The following ABCC1 variants were observed in gnomAD, a reference collection of about 807,000 sequenced individuals.
ABCC1 encodes the protein multidrug resistance-associated protein 1.
A neutral mutation model predicts 172.9 loss-of-function variants in ABCC1; 83 were observed. The observed-to-expected ratio is 0.48, with a 90% CI of 0.40 to 0.58. ABCC1 has a LOEUF of 0.58. ABCC1 is among the 20% of genes least tolerant of loss of function. The probability of loss-of-function intolerance (pLI) is 0.00; values close to 1 mark genes in which losing one functional copy is unlikely to be tolerated. For missense variants in ABCC1, 1,817 were observed against 2,002.7 expected, an observed-to-expected ratio of 0.91 and a Z score of 1.77; for synonymous variants, 937 against 825.2, an observed-to-expected ratio of 1.14 and a Z score of -2.32.
At chr16:16,123,810 G>C (rs1260245976) in intron 24 of ABCC1, among the ~76,000 whole-genome samples, 1 of 151,838 alleles carries the variant, frequency 6.6e-6, no homozygotes, top group African/African-American at 2.4e-5. Flanking sequence ...CCAGCAGTTC[G>C]AGACCAGCCT....
At chr16:16,086,302 A>G (rs1213530985) in intron 17 of ABCC1, among the ~76,000 whole-genome samples, 3 of 152,140 alleles carry the variant, frequency 2.0e-5, no homozygotes, top group African/African-American at 7.2e-5. Context: ...CTGTGATCCC[A>G]TCCTTGGTGG....
At chr16:16,066,098 C>T (rs2050104587) in intron 12 of ABCC1, among the ~76,000 whole-genome samples, 3 of 152,210 alleles carry the variant, frequency 2.0e-5, no homozygotes, top group South Asian at 2.1e-4. Context: ...TCCAGGCAAC[C>T]AGTAATCTGC....
intron 5 of ABCC1, among the ~76,000 whole-genome samples, chr16:16,019,187 C>T (rs1320615225): frequency 1.3e-5 from 2 of 151,892 alleles, no homozygotes; most frequent in Non-Finnish European, 2.9e-5. Flanking sequence ...CCACTGCAAC[C>T]CCGCCTCCTG....
At position 16,052,712 on chromosome 16, in the gene ABCC1, T is replaced by C; in HGVS notation, c.1381-12T>C. 1.9e-6 allele frequency: 3 copies of C among 1,613,824 alleles called. No homozygotes were observed. Among genetic ancestry groups the C allele is most frequent in the Non-Finnish European group, 2.5e-6 (3 of 1,179,740 alleles). On this transcript the variant is annotated splice_polypyrimidine_tract_variant and intron_variant, in intron 10 of 30. Transcript: ENST00000399410. ...TCTGGTGAGTGATGAAGAGTCTCCT[T>C]TCCTTCCTTAGAATCTGGGCCCTTC...
intron 1 of ABCC1, among the ~76,000 whole-genome samples, chr16:16,003,724 A>C (rs1405704505): frequency 1.0e-5 from 1 of 99,876 alleles, no homozygotes; most frequent in African/African-American, 3.7e-5. Flanking sequence ...TGGATGGGTG[A>C]ATTGGTGGAT....
intron 12 of ABCC1, among the ~76,000 whole-genome samples, chr16:16,065,505 T>C (rs143556111): frequency 0.015 from 2,347 of 152,258 alleles, 61 homozygotes; most frequent in African/African-American, 0.052. Context: ...CAATCTTGGC[T>C]CACTGCAACC....
At chr16:16,131,116 A>G (rs4781727) in intron 26 of ABCC1, among the ~76,000 whole-genome samples, 82,263 of 151,790 alleles carry the variant, frequency 0.54, 23,145 homozygotes, top group Non-Finnish European at 0.61. Flanking sequence ...GTGAGACTCC[A>G]TCTCAAAAAA....
intron 1 of ABCC1, among the ~76,000 whole-genome samples, chr16:16,003,824 G>T: frequency 7.7e-6 from 1 of 129,996 alleles, no homozygotes; most frequent in Non-Finnish European, 1.7e-5. Context: ...TGAATGAATT[G>T]GTAGGTGGGT....
At chr16:16,114,676 G>T (rs2044770110) in intron 22 of ABCC1, 90 bp from the exon 23 acceptor site, 4 of 1,292,882 alleles carry the variant, frequency 3.1e-6, no homozygotes, top group Non-Finnish European at 4.2e-6. Context: ...TGGGAGTCCA[G>T]GCCTGCCTCG....
At chr16:16,046,510 A>C (rs2049216120) in intron 9 of ABCC1, among the ~76,000 whole-genome samples, 1 of 151,976 alleles carries the variant, frequency 6.6e-6, no homozygotes, top group Admixed American at 6.6e-5. Flanking sequence ...ACGACCGGCT[A>C]ATTTTTGTAT....
Position 16,138,468 on chromosome 16 carries a change from A to G in ABCC1, c.4397A>G (p.Asp1466Gly). ...GCAGCCGTGGACCTGGAAACGGACG[A>G]CCTCATCCAGTCCACCATCCGGACA... ...ATAAVDLETD[D>G]LIQSTIRTQF... Residue 1466 changes from aspartate to glycine, a missense_variant, in exon 30 of 31, where the codon GAC becomes GGC. By Grantham distance (94) the Asp-to-Gly change is moderately conservative. Coordinates refer to ENST00000399410, the MANE Select transcript of ABCC1 (RefSeq NM_004996.4). 6.2e-7 allele frequency: 1 copy of G among 1,613,178 alleles called. No individual in the cohort carries two copies. The highest frequency in any genetic ancestry group is 1.7e-5 in the Admixed American group (1 of 59,956).
chr16:16,025,344 G>T (rs1335910411), intron 5 of ABCC1, among the ~76,000 whole-genome samples: 1 of 152,144 alleles, frequency 6.6e-6, no homozygotes, highest in Non-Finnish European at 1.5e-5. Flanking sequence ...GGGTTCTCAC[G>T]CTTGAAACAC....
chr16:16,131,771 C>A lies in ABCC1; in HGVS notation c.3820-18C>A. On this transcript the variant is annotated intron_variant, in intron 26 of 30. Coordinates refer to ENST00000399410, the MANE Select transcript of ABCC1 (RefSeq NM_004996.4). ...TGGACTGGAAATTCCTTACTCTCTCCCTTCACTGCGATCGAAGGCGCCCTG... is the reference window on the plus strand; with the variant it reads ...TGGACTGGAAATTCCTTACTCTCTCACTTCACTGCGATCGAAGGCGCCCTG... 6.2e-7 allele frequency: 1 copy of A among 1,609,910 alleles called. No homozygotes were observed. Among genetic ancestry groups the A allele is most frequent in the Non-Finnish European group, 8.5e-7 (1 of 1,178,872 alleles).
In ABCC1 at chr16:15,979,420, G is replaced by C. The variant is rs547288199; in HGVS notation, c.49-28396G>C. On this transcript the variant is annotated intron_variant, in intron 1 of 30. Coordinates refer to ENST00000399410, the MANE Select transcript of ABCC1 (RefSeq NM_004996.4). ...GTGTATTTATTAATTCTTTTGAGGA[G>C]GGTGTTAGGTGCTAAAGGCAGCACG... is the stretch of plus-strand genomic sequence containing the variant. Among the ~76,000 whole-genome samples the C allele has an allele frequency of 1.6e-4, 25 of 152,258 alleles. 1 individual carries two copies. The highest frequency in any genetic ancestry group is 5.2e-4 in the Admixed American group (8 of 15,294).
chr16:15,992,712 T>C (rs961433075), intron 1 of ABCC1, among the ~76,000 whole-genome samples: 15 of 152,212 alleles, frequency 9.9e-5, no homozygotes, highest in African/African-American at 3.6e-4. Context: ...GGGACCACTG[T>C]CTTAATATGT....
Position 16,060,517 on chromosome 16 carries a change from ACT to A in ABCC1, c.1677+4229_1677+4230del, listed in dbSNP as rs375580278. On this transcript the variant is annotated intron_variant, in intron 12 of 30. Transcript: ENST00000399410. ...TGACTTTACCGGGGTGCGTTGATGAACTCTCTCTTTTTTTGTTTTTTTTGGGA... is the reference window on the plus strand; with the variant it reads ...TGACTTTACCGGGGTGCGTTGATGAACTCTCTTTTTTTGTTTTTTTTGGGA... Among the ~76,000 whole-genome samples, 61 of 150,804 alleles carry A rather than the reference ACT, an allele frequency of 4.0e-4. 1 individual carries two copies. Among genetic ancestry groups the A allele is most frequent in the Admixed American group, 1.2e-3 (18 of 15,148 alleles).
chr16:16,104,488 T>C (rs2051969949), intron 20 of ABCC1, among the ~76,000 whole-genome samples: 1 of 152,316 alleles, frequency 6.6e-6, no homozygotes, highest in Admixed American at 6.5e-5. Context: ...GGGTGCTGAT[T>C]GGTGTGTTTA....
chr16:16,114,692 A>G (rs2044771173), intron 22 of ABCC1, 74 bp from the exon 23 acceptor site: 8 of 1,435,262 alleles, frequency 5.6e-6, no homozygotes, highest in South Asian at 1.4e-5. Flanking sequence ...CCTCGTCCAC[A>G]TGGCCACTCC....
chr16:16,079,567 C>A, intron 16 of ABCC1, 89 bp downstream of exon 16: 1 of 1,489,338 alleles, frequency 6.7e-7, no homozygotes, highest in Non-Finnish European at 9.0e-7. Context: ...TTGACTGTCC[C>A]TGTGCCAGAA....
Sources: gnomAD v4.1 joint callset for allele counts (sites outside exome capture counted in the v4.1 genomes callset) on GRCh38, gnomAD v4.1.1 for gene constraint, MANE v1.5 for transcripts, NCBI Gene and HGNC (gene_info 2026-07-23, HGNC 2026-07-21) for gene names.